OR2M4: variants seen among roughly 807,000 people sequenced by gnomAD.
OR2M4 encodes the protein olfactory receptor 2M4.
In OR2M4, 8 loss-of-function variants were observed where a neutral mutation model predicts 13.7. That is an observed-to-expected ratio of 0.58 (90% CI 0.34 to 1.05). The LOEUF is 1.05. OR2M4 is among the 50% of genes least tolerant of loss of function. The pLI is 0.02. For missense variants in OR2M4, 374 were observed against 381.6 expected (o/e 0.98, Z 0.17); for synonymous variants, 152 against 141.3 (o/e 1.08, Z -0.53).
At chr1:248,236,249 C>T (rs1250712457) in intron 1 of OR2M4, among the ~76,000 whole-genome samples, 3 of 152,040 alleles carry the variant, frequency 2.0e-5, no homozygotes, top group Admixed American at 2.0e-4. Flanking sequence ...AACTCAAGAC[C>T]AAGAAACTCA....
In OR2M4 at chr1:248,243,516, C is replaced by G. The variant is rs1666637187; in HGVS notation, c.*3652C>G. ...GATGTTTCGGGCTACAGCCCTCCCT[C>G]AGGCAGAGGCCACAGCAGAGAGAGC... On this transcript the variant is annotated 3_prime_UTR_variant, in exon 2 of 2. Coordinates refer to ENST00000641868, the MANE Select transcript of OR2M4 (RefSeq NM_017504.2). 6.6e-6 allele frequency: 1 copy of G among 152,210 alleles called. No homozygotes were observed. The highest frequency in any genetic ancestry group is 1.5e-5 in the Non-Finnish European group (1 of 68,054). 9.4% of individuals were successfully genotyped at this position (152,210 alleles called of 1,614,324 possible).
intron 1 of OR2M4, among the ~76,000 whole-genome samples, chr1:248,238,662 A>G (rs1313338029): frequency 2.6e-5 from 4 of 152,156 alleles, no homozygotes; most frequent in East Asian, 1.9e-4. Context: ...GCTCTTATAC[A>G]CTTCAGCATT....
rs756796286 is a variant in OR2M4, at chr1:248,239,404, T to C, written c.476T>C (p.Val159Ala). 1 of 1,614,150 alleles carries C rather than the reference T, an allele frequency of 6.2e-7. No homozygotes were observed. The highest frequency in any genetic ancestry group is 1.7e-5 in the Admixed American group (1 of 60,030). Residue 159 changes from valine (V) to alanine (A), a missense_variant, in exon 2 of 2, where the codon GTG becomes GCG. By Grantham distance (64) the Val-to-Ala change is moderately conservative. Transcript: ENST00000641868. ...WTLGSLDGII[V>A]LAAVLSFSYC... ...TTGGGGTCTCTTGATGGGATCATAG[T>C]GCTTGCAGCTGTCCTGTCATTTTCT...
chr1:248,236,688 A>G (rs1666560098), intron 1 of OR2M4, among the ~76,000 whole-genome samples: 1 of 152,164 alleles, frequency 6.6e-6, no homozygotes, highest in Admixed American at 6.5e-5. Context: ...TAAAGAAGAA[A>G]GAGAGAATAA....
At chr1:248,236,053 G>A (rs1235395488) in intron 1 of OR2M4, among the ~76,000 whole-genome samples, 1 of 152,068 alleles carries the variant, frequency 6.6e-6, no homozygotes, top group African/African-American at 2.4e-5. Flanking sequence ...AGTGGTGAGA[G>A]AGGGTATCTA....
At position 248,231,578 on chromosome 1, in the gene OR2M4, C is replaced by T. The variant is rs1223928030; in HGVS notation, c.-22C>T. On this transcript the variant is annotated splice_region_variant and 5_prime_UTR_variant, in exon 1 of 2. Transcript: ENST00000641868. ...TGGCGAATTTTCCCCTTGATCACCA[C>T]CTGTGAGTAAGACATATAACACTCT... 1 of 152,146 alleles carries T rather than the reference C, an allele frequency of 6.6e-6. No homozygotes were observed. Among genetic ancestry groups the T allele is most frequent in the Non-Finnish European group, 1.5e-5 (1 of 68,020 alleles). The allele number at this position is 152,146 out of a possible 1,614,324, so 9.4% of individuals were successfully genotyped here. A position where few individuals can be genotyped will look rare whatever the true frequency, so the allele number is the denominator to read the frequency against.
At position 248,243,985 on chromosome 1, in the gene OR2M4, C is replaced by T. The variant is rs1666642797; in HGVS notation, c.*4121C>T. The T allele has an allele frequency of 3.3e-5, 5 of 152,090 alleles. No individual in the cohort carries two copies. Among genetic ancestry groups the T allele is most frequent in the Admixed American group, 3.3e-4 (5 of 15,256 alleles). 9.4% of individuals were successfully genotyped at this position (152,090 alleles called of 1,614,324 possible). ...GTTATGAGAGAAATGCAAATCAAAA[C>T]CTAAATGAGAGACCATCTCACACCA... On this transcript the variant is annotated 3_prime_UTR_variant, in exon 2 of 2. Transcript: ENST00000641868.
rs1666623829 is a variant in OR2M4 at position 248,242,012 on chromosome 1, A to G, written c.*2148A>G. 1 of 152,206 alleles carries G rather than the reference A, an allele frequency of 6.6e-6. No homozygotes were observed. Among genetic ancestry groups the G allele is most frequent in the Admixed American group, 6.5e-5 (1 of 15,290 alleles). The allele number at this position is 152,206 out of a possible 1,614,324, so 9.4% of individuals were successfully genotyped here. ...TATTGGGATTTTAAAAGAAGATAATACTATGTCCCTATGTGTTTCATTCCA... is the reference window on the plus strand; with the variant it reads ...TATTGGGATTTTAAAAGAAGATAATGCTATGTCCCTATGTGTTTCATTCCA... On this transcript the variant is annotated 3_prime_UTR_variant, in exon 2 of 2. Transcript: ENST00000641868.
rs1290833856 is a variant in OR2M4 at position 248,239,771 on chromosome 1, C to T, written c.843C>T (p.Leu281=). ...DKMVSAFYTI[L]TPMLNPLIYS... is the part of the protein sequence containing the mutation. ...TGGTGTCGGCCTTCTACACTATTCT[C>T]ACCCCTATGCTGAACCCTCTCATTT... Residue 281 remains leucine (L), a synonymous_variant, in exon 2 of 2, where the codon CTC becomes CTT. Transcript: ENST00000641868. The T allele has an allele frequency of 2.2e-5, 35 of 1,614,110 alleles. No individual in the cohort carries two copies. Among genetic ancestry groups the T allele is most frequent in the Middle Eastern group, 1.6e-4 (1 of 6,062 alleles).
chr1:248,239,723 ACATACGC>A lies in OR2M4; in HGVS notation c.798_804del (p.His266GlnfsTer18). The A allele has an allele frequency of 6.2e-7, 1 of 1,614,054 alleles. No homozygotes were observed. Among genetic ancestry groups the A allele is most frequent in the Non-Finnish European group, 8.5e-7 (1 of 1,180,018 alleles). On this transcript the variant is annotated frameshift_variant, in exon 2 of 2. Coordinates refer to ENST00000641868, the MANE Select transcript of OR2M4 (RefSeq NM_017504.2). LOFTEE classifies it high-confidence loss of function. Reference sequence around the variant, plus strand: ...TCATGTACATGAGACCAGCTTCTAAACATACGCCAGACCAGGACAAGATGGTGTCGGC... The same window carrying A: ...TCATGTACATGAGACCAGCTTCTAAACAGACCAGGACAAGATGGTGTCGGC...
rs73144077 is a variant in OR2M4, at chr1:248,238,249, A to C, written c.-19-661A>C. On this transcript the variant is annotated intron_variant, in intron 1 of 1. Transcript: ENST00000641868. ...TTGGAAGGAAAAAAATTATCCTCAGAAGATAAGTGAACGATTTAGTCTTCC... is the reference window on the plus strand; with the variant it reads ...TTGGAAGGAAAAAAATTATCCTCAGCAGATAAGTGAACGATTTAGTCTTCC... Among the ~76,000 whole-genome samples the C allele has an allele frequency of 6.2e-3, 943 of 152,320 alleles. 7 individuals are homozygous for C. Among genetic ancestry groups the C allele is most frequent in the African/African-American group, 0.021 (886 of 41,566 alleles).
rs1666608111 is a variant in OR2M4 at position 248,240,497 on chromosome 1, G to T, written c.*633G>T. 1 of 151,912 alleles carries T rather than the reference G, an allele frequency of 6.6e-6. No homozygotes were observed. The highest frequency in any genetic ancestry group is 2.4e-5 in the African/African-American group (1 of 41,324). 9.4% of individuals were successfully genotyped at this position (151,912 alleles called of 1,614,324 possible). On this transcript the variant is annotated 3_prime_UTR_variant, in exon 2 of 2. Transcript: ENST00000641868. The stretch of plus-strand genomic sequence containing the variant: ...GGAGTCCACATAAAATATCTATTTG[G>T]GCTGCACAGTCAACATCTGTATCAT...
intron 1 of OR2M4, 41 bp from the exon 2 acceptor site, chr1:248,238,869 T>G (rs1174457687): frequency 2.6e-5 from 34 of 1,305,250 alleles, no homozygotes; most frequent in Non-Finnish European, 3.3e-5. Flanking sequence ...GTTTGAAAAC[T>G]GAATTGATAA....
intron 1 of OR2M4, among the ~76,000 whole-genome samples, chr1:248,231,877 T>C (rs1379091307): frequency 1.3e-5 from 2 of 152,178 alleles, no homozygotes; most frequent in Non-Finnish European, 2.9e-5. Flanking sequence ...AGACATAGTA[T>C]TCTTAATGGT....
intron 1 of OR2M4, among the ~76,000 whole-genome samples, chr1:248,237,623 A>G (rs559981989): frequency 6.6e-6 from 1 of 152,300 alleles, no homozygotes; most frequent in Admixed American, 6.5e-5. Context: ...ATTGCACTCC[A>G]GCCTGACAAC....
intron 1 of OR2M4, 125 bp downstream of exon 1, chr1:248,231,705 A>G (rs1260344331): frequency 1.3e-5 from 2 of 152,140 alleles, no homozygotes; most frequent in Non-Finnish European, 1.5e-5. Context: ...GGAACACTAT[A>G]CAGAATCACA....
At position 248,239,853 on chromosome 1, in the gene OR2M4, A is replaced by G; in HGVS notation, c.925A>G (p.Lys309Glu). Residue 309 changes from lysine (K) to glutamate (E), a missense_variant, in exon 2 of 2, where the codon AAG becomes GAG. Physicochemically the swap from Lys to Glu is moderately conservative, Grantham distance 56. Transcript: ENST00000641868. ...ACTACAGAAGGTACTGAAGAAAAGA[A>G]AGTTAATATGACCTTATCAAAATCT... is the stretch of plus-strand genomic sequence containing the variant. ...RALQKVLKKR[K>E]LI 1 of 1,592,206 alleles carries G rather than the reference A, an allele frequency of 6.3e-7. No homozygotes were observed. Among genetic ancestry groups the G allele is most frequent in the Non-Finnish European group, 8.5e-7 (1 of 1,170,934 alleles).
chr1:248,233,263 G>A (rs1379545375), intron 1 of OR2M4, among the ~76,000 whole-genome samples: 1 of 152,138 alleles, frequency 6.6e-6, no homozygotes, highest in Non-Finnish European at 1.5e-5. Context: ...TATAAATAAA[G>A]TGTTGTGATA....
intron 1 of OR2M4, among the ~76,000 whole-genome samples, chr1:248,232,600 T>C (rs1253863970): frequency 6.6e-6 from 1 of 152,168 alleles, no homozygotes; most frequent in Non-Finnish European, 1.5e-5. Flanking sequence ...TCTATCATTT[T>C]CCTCATTCTT....
Sources: gnomAD v4.1 joint callset for allele counts (sites outside exome capture counted in the v4.1 genomes callset) on GRCh38, gnomAD v4.1.1 for gene constraint, MANE v1.5 for transcripts, NCBI Gene and HGNC (gene_info 2026-07-23, HGNC 2026-07-21) for gene names.